GBX1: variants seen among roughly 807,000 people sequenced by gnomAD.
The protein encoded by GBX1 is gastrulation brain homeobox 1, also known as homeobox protein GBX-1.
Under a neutral mutation model 22.9 loss-of-function variants are expected in GBX1, and 9 were observed. The ratio of observed to expected loss-of-function variants is 0.39; its 90% CI spans 0.24 to 0.69. GBX1 has a LOEUF of 0.69. GBX1 is among the 30% of genes least tolerant of loss of function. GBX1 has a pLI of 0.43. For synonymous variants in GBX1, 203 were observed against 227.3 expected (o/e 0.89, Z 0.96); for missense variants, 494 against 509.2 (o/e 0.97, Z 0.29).
At chr7:151,149,885 C>T (rs962824901) in intron 1 of GBX1, 18 of 455,872 alleles carry the variant, frequency 3.9e-5, no homozygotes, top group South Asian at 2.8e-4. Flanking sequence ...TCAATCCTTA[C>T]CCTTGACCTT....
At chr7:151,162,840 G>A (rs933373093) in intron 1 of GBX1, among the ~76,000 whole-genome samples, 5 of 129,696 alleles carry the variant, frequency 3.9e-5, no homozygotes, top group South Asian at 2.4e-4. Flanking sequence ...AGTTTTGCTC[G>A]TTGCCCCCCA....
At chr7:151,166,888 C>T in intron 1 of GBX1, 123 bp downstream of exon 1, 3 of 947,496 alleles carry the variant, frequency 3.2e-6, no homozygotes, top group African/African-American at 1.7e-5. Flanking sequence ...TGCGCGCGAT[C>T]TAAAGGTCTG....
At chr7:151,156,090 C>A (rs1308082322) in intron 1 of GBX1, among the ~76,000 whole-genome samples, 1 of 152,058 alleles carries the variant, frequency 6.6e-6, no homozygotes, top group African/African-American at 2.4e-5. Context: ...AAGTTTAGAT[C>A]TCACCCCTTT....
At chr7:151,150,372 A>G (rs1019821920) in intron 1 of GBX1, among the ~76,000 whole-genome samples, 1 of 152,244 alleles carries the variant, frequency 6.6e-6, no homozygotes, top group African/African-American at 2.4e-5. Context: ...TAAGCTGAAT[A>G]GTCAGCTCCT....
At chr7:151,166,967 G>A (rs1275982150) in intron 1 of GBX1, 44 bp downstream of exon 1, 1 of 1,588,142 alleles carries the variant, frequency 6.3e-7, no homozygotes, top group Non-Finnish European at 8.6e-7. Flanking sequence ...GGAATTTCCA[G>A]GTGAACCGGC....
In GBX1 at chr7:151,167,660, C is replaced by G; in HGVS notation, c.-112G>C. The G allele has an allele frequency of 1.8e-6, 2 of 1,085,874 alleles. No individual in the cohort carries two copies. Among genetic ancestry groups the G allele is most frequent in the Non-Finnish European group, 2.3e-6 (2 of 886,550 alleles). 67.3% of individuals were successfully genotyped at this position (1,085,874 alleles called of 1,614,324 possible). A position where few individuals can be genotyped will look rare whatever the true frequency, so the allele number is the denominator to read the frequency against. On this transcript the variant is annotated 5_prime_UTR_variant, in exon 1 of 2. Transcript: ENST00000297537. The surrounding 1 kb of genome is among the most constrained non-coding windows in gnomAD (Gnocchi z 5.9). ...AGGGCTCGCTCCCTGGCTCCCGGGCCGAGGTGGCGGCGGGGCGCGGGCTCG... is the reference window on the plus strand; with the variant it reads ...AGGGCTCGCTCCCTGGCTCCCGGGCGGAGGTGGCGGCGGGGCGCGGGCTCG...
intron 1 of GBX1, among the ~76,000 whole-genome samples, chr7:151,150,662 A>C (rs1001760): frequency 2.7e-5 from 4 of 146,446 alleles, no homozygotes; most frequent in Non-Finnish European, 4.5e-5. Flanking sequence ...CTTCCCCCTC[A>C]CAGGTGCAGT....
At chr7:151,159,361 C>A (rs1319070095) in intron 1 of GBX1, among the ~76,000 whole-genome samples, 1 of 152,102 alleles carries the variant, frequency 6.6e-6, no homozygotes, top group Non-Finnish European at 1.5e-5. Context: ...AGCCACTGCA[C>A]CCAGGCAGAG....
At chr7:151,150,353 G>A (rs1801063523) in intron 1 of GBX1, among the ~76,000 whole-genome samples, 1 of 152,194 alleles carries the variant, frequency 6.6e-6, no homozygotes, top group South Asian at 2.1e-4. Flanking sequence ...AGAGAAAATG[G>A]ATAATCTGTA....
chr7:151,167,344 C>A lies in GBX1; in HGVS notation c.205G>T (p.Gly69Cys). 1 of 1,507,672 alleles carries A rather than the reference C, an allele frequency of 6.6e-7. No individual in the cohort carries two copies. Among genetic ancestry groups the A allele is most frequent in the Admixed American group, 2.2e-5 (1 of 44,570 alleles). The allele number at this position is 1,507,672 out of a possible 1,614,324, so 93.4% of individuals were successfully genotyped here. ...GCTAGCGGGGCGAGGGGCGGGAGGC[C>A]AGCGGGCAGCGGCGCAGGGGCCAGC... ...QALAPAPLPAGLPPLAPLASF... is the reference protein window; with the variant it reads ...QALAPAPLPACLPPLAPLASF... The change falls in exon 1 of 2, where the codon GGC becomes TGC. Residue 69 changes from glycine (G) to cysteine (C), a missense_variant. Around this residue, in one of 3 missense-constraint regions of GBX1, gnomAD observed 365 missense variants for 340.4 expected, o/e 1.07. Transcript: ENST00000297537. This position sits in a 1 kb window ranked among gnomAD's most constrained non-coding sequence, Gnocchi z 5.9.
Position 151,167,518 on chromosome 7 carries a change from C to T in GBX1, c.31G>A (p.Gly11Arg). 1.4e-6 allele frequency: 2 copies of T among 1,475,124 alleles called. No homozygotes were observed. The highest frequency in any genetic ancestry group is 1.8e-6 in the Non-Finnish European group (2 of 1,123,234). 91.4% of individuals were successfully genotyped at this position (1,475,124 alleles called of 1,614,324 possible). A position where few individuals can be genotyped will look rare whatever the true frequency, so the allele number is the denominator to read the frequency against. Residue 11 changes from glycine (G) to arginine (R), a missense_variant, in exon 1 of 2, where the codon GGG becomes AGG. Coordinates refer to ENST00000297537, the MANE Select transcript of GBX1 (RefSeq NM_001098834.3). This position sits in a 1 kb window ranked among gnomAD's most constrained non-coding sequence, Gnocchi z 5.9. Reference protein sequence around the residue: MQRAGGGSAPGGNGGGGGGGP... With the variant: MQRAGGGSAPRGNGGGGGGGP... ...CCGCCGCCGCCCCCGCCGTTGCCCC[C>T]AGGGGCGCTACCGCCTCCGGCCCGC...
chr7:151,161,021 A>C (rs758850932), intron 1 of GBX1, among the ~76,000 whole-genome samples: 23 of 152,064 alleles, frequency 1.5e-4, no homozygotes, highest in Non-Finnish European at 2.8e-4. Context: ...TCTTTTATAC[A>C]TCTACTCAAT....
intron 1 of GBX1, among the ~76,000 whole-genome samples, chr7:151,155,718 CA>C (rs763733340): frequency 6.6e-6 from 1 of 152,124 alleles, no homozygotes; most frequent in Non-Finnish European, 1.5e-5. Flanking sequence ...CTAACATTGC[CA>C]TTTCCAAGAG....
In GBX1 at chr7:151,149,032, C is replaced by A; in HGVS notation, c.649G>T (p.Gly217Cys). ...CCCCCTGCAGAACTGTCCAGGAAACCGTCATCCTCGCTGTCACCGCCTGAG... is the reference window on the plus strand; with the variant it reads ...CCCCCTGCAGAACTGTCCAGGAAACAGTCATCCTCGCTGTCACCGCCTGAG... ...EGSGGDSEDD[G>C]FLDSSAGGPG... Residue 217 changes from glycine (G) to cysteine (C), a missense_variant, in exon 2 of 2, where the codon GGT becomes TGT. Gly to Cys is a radical substitution (Grantham distance 159). This residue lies in a region of GBX1 where 365 missense variants were observed against 340.4 expected (regional missense o/e 1.07). Coordinates refer to ENST00000297537, the MANE Select transcript of GBX1 (RefSeq NM_001098834.3). The A allele has an allele frequency of 6.2e-7, 1 of 1,613,992 alleles. No individual in the cohort carries two copies. The highest frequency in any genetic ancestry group is 8.5e-7 in the Non-Finnish European group (1 of 1,180,036).
chr7:151,151,305 A>G (rs935328807), intron 1 of GBX1, among the ~76,000 whole-genome samples: 5 of 152,000 alleles, frequency 3.3e-5, no homozygotes, highest in Admixed American at 6.5e-5. Context: ...CAGCATCAAG[A>G]CCCATCTGGG....
In GBX1 at chr7:151,148,847, CT is replaced by C. The variant is rs1801044484; in HGVS notation, c.833del (p.Lys278ArgfsTer9). The C allele has an allele frequency of 6.2e-7, 1 of 1,614,062 alleles. No individual in the cohort carries two copies. Among genetic ancestry groups the C allele is most frequent in the Non-Finnish European group, 8.5e-7 (1 of 1,180,058 alleles). ...TCAGGTATTTCTTGCAATGAAATTC[CT>C]TCTCCAATTCCAAAAGCTGCTCGCT... Reference protein sequence around the residue: ...FTSEQLLELEKEFHCKKYLSL... With the variant: ...FTSEQLLELEXEFHCKKYLSL... On this transcript the variant is annotated frameshift_variant, in exon 2 of 2. Transcript: ENST00000297537. LOFTEE classifies it high-confidence loss of function. This position sits in a 1 kb window ranked among gnomAD's most constrained non-coding sequence, Gnocchi z 5.1.
chr7:151,153,520 C>T (rs1252321308), intron 1 of GBX1, among the ~76,000 whole-genome samples: 1 of 151,360 alleles, frequency 6.6e-6, no homozygotes, highest in East Asian at 1.9e-4. Flanking sequence ...TAAAAATTTG[C>T]TATTGACTAA....
intron 1 of GBX1, among the ~76,000 whole-genome samples, chr7:151,164,804 A>T (rs1283825303): frequency 1.1e-4 from 6 of 54,084 alleles, no homozygotes; most frequent in Non-Finnish European, 2.1e-4. Flanking sequence ...TTTGCTTTCA[A>T]CATTTTCCTC....
chr7:151,153,835 T>C (rs1801106061), intron 1 of GBX1, among the ~76,000 whole-genome samples: 1 of 152,030 alleles, frequency 6.6e-6, no homozygotes, highest in Non-Finnish European at 1.5e-5. Context: ...AGTGCTGGGA[T>C]TACAGGTGTG....
Sources: gnomAD v4.1 joint callset for allele counts (sites outside exome capture counted in the v4.1 genomes callset) on GRCh38, gnomAD v4.1.1 for gene constraint, gnomAD v4.1.1 regional missense constraint, Gnocchi (gnomAD v3.1) non-coding constraint, MANE v1.5 for transcripts, NCBI Gene and HGNC (gene_info 2026-07-23, HGNC 2026-07-21) for gene names.